The following CA8 variants were observed in gnomAD, a reference collection of about 807,000 sequenced individuals.
The protein encoded by CA8 is carbonic anhydrase-related protein.
In CA8, 22 loss-of-function variants were observed where a neutral mutation model predicts 41.4. The observed-to-expected ratio is 0.53, with a 90% CI of 0.38 to 0.76. CA8 has a LOEUF of 0.76. CA8 is among the 30% of genes least tolerant of loss of function. CA8 has a pLI of 0.00. For synonymous variants in CA8, 121 were observed against 130.6 expected (o/e 0.93, Z 0.50); for missense variants, 270 against 352.8 (o/e 0.77, Z 1.88).
intron 3 of CA8, among the ~76,000 whole-genome samples, chr8:60,241,748 TA>T (rs551527814): frequency 0.025 from 3,648 of 144,818 alleles, 60 homozygotes; most frequent in Non-Finnish European, 0.037. Flanking sequence ...TTTTATTTTC[TA>T]AAAAAAAAAA....
At chr8:60,252,605 C>A (rs1267864782) in intron 3 of CA8, among the ~76,000 whole-genome samples, 2 of 152,116 alleles carry the variant, frequency 1.3e-5, no homozygotes, top group African/African-American at 2.4e-5. Flanking sequence ...CTCACCCTAC[C>A]TAGAGCTAAG....
intron 3 of CA8, among the ~76,000 whole-genome samples, chr8:60,236,170 G>A (rs1489266190): frequency 6.6e-6 from 1 of 152,182 alleles, no homozygotes; most frequent in Non-Finnish European, 1.5e-5. Context: ...CACTACATGA[G>A]TAGGCCTCAT....
chr8:60,236,564 A>C (rs7465573), intron 3 of CA8, among the ~76,000 whole-genome samples: 125,357 of 152,136 alleles, frequency 0.82, 52,050 homozygotes, highest in Middle Eastern at 0.87. Flanking sequence ...AGAAAAATGA[A>C]CCTAACAATT....
chr8:60,217,028 C>T (rs555952243), intron 7 of CA8, among the ~76,000 whole-genome samples: 9 of 152,128 alleles, frequency 5.9e-5, no homozygotes, highest in Non-Finnish European at 8.8e-5. Context: ...GGATTACAGG[C>T]GCCTGCCACC....
intron 3 of CA8, among the ~76,000 whole-genome samples, chr8:60,263,535 A>C (rs1481566671): frequency 6.6e-6 from 1 of 152,078 alleles, no homozygotes; most frequent in African/African-American, 2.4e-5. Flanking sequence ...CAAAAAAAAC[A>C]AAAAACAAAA....
At chr8:60,275,860 T>G (rs74970229) in intron 2 of CA8, among the ~76,000 whole-genome samples, 4,366 of 151,890 alleles carry the variant, frequency 0.029, 226 homozygotes, top group African/African-American at 0.095. Flanking sequence ...AAGAGACACA[T>G]AGAGGGGGTT....
At chr8:60,190,128 G>A (rs1354079730) in intron 8 of CA8, 143 bp from the exon 9 acceptor site, 1 of 151,556 alleles carries the variant, frequency 6.6e-6, no homozygotes, top group Admixed American at 6.6e-5. Context: ...AAATATCTTT[G>A]TGCTCAAGTT....
rs977063700 is a variant in CA8, at chr8:60,281,251, C to T, written c.-104G>A. 5 of 755,050 alleles carry T rather than the reference C, an allele frequency of 6.6e-6. No homozygotes were observed. Among genetic ancestry groups the T allele is most frequent in the South Asian group, 4.6e-5 (3 of 65,564 alleles). 46.8% of individuals were successfully genotyped at this position (755,050 alleles called of 1,614,324 possible). ...GAGCGCGCGTGGGGGAGTGTGAGCA[C>T]GCGTGAGCGGCAGTGTGAGTGCGAG... is the stretch of plus-strand genomic sequence containing the variant. On this transcript the variant is annotated 5_prime_UTR_variant, in exon 1 of 9. It adds an upstream start codon to the 5' untranslated region. Transcript: ENST00000317995.
chr8:60,219,946 A>AAAAAAAAAAC (rs1807186069), intron 7 of CA8, among the ~76,000 whole-genome samples: 1 of 143,790 alleles, frequency 7.0e-6, no homozygotes, highest in South Asian at 2.2e-4. Flanking sequence ...AAAAAAAAAA[A>AAAAAAAAAAC]AAAAAAACAC....
chr8:60,231,878 G>A (rs1213356722), intron 4 of CA8, among the ~76,000 whole-genome samples: 2 of 152,140 alleles, frequency 1.3e-5, no homozygotes, highest in African/African-American at 4.8e-5. Context: ...ATCTCAGAGT[G>A]AAAATTGTTA....
intron 2 of CA8, among the ~76,000 whole-genome samples, chr8:60,271,629 A>T (rs886467881): frequency 6.6e-6 from 1 of 152,200 alleles, no homozygotes; most frequent in Non-Finnish European, 1.5e-5. Flanking sequence ...TTCTATAATA[A>T]GAAACAGTGA....
chr8:60,191,351 C>T (rs1388373292), intron 8 of CA8, among the ~76,000 whole-genome samples: 1 of 151,926 alleles, frequency 6.6e-6, no homozygotes. Flanking sequence ...TAAAATCACA[C>T]CAATTCAGAG....
intron 8 of CA8, among the ~76,000 whole-genome samples, chr8:60,193,290 C>T (rs1180940363): frequency 2.0e-5 from 3 of 152,134 alleles, no homozygotes; most frequent in African/African-American, 7.2e-5. Flanking sequence ...CTTCACCATT[C>T]CTGAAGAAAG....
rs1056528517 is a variant in CA8 at position 60,243,571 on chromosome 8, CTT to C, written c.418-11194_418-11193del. Among the ~76,000 whole-genome samples the C allele has an allele frequency of 5.9e-5, 9 of 152,286 alleles. 1 individual carries two copies. The highest frequency in any genetic ancestry group is 5.2e-4 in the Admixed American group (8 of 15,298). On this transcript the variant is annotated intron_variant, in intron 3 of 8. Coordinates refer to ENST00000317995, the MANE Select transcript of CA8 (RefSeq NM_004056.6). Reference sequence around the variant, plus strand: ...CTCTGCTATCTACTGAAATCTGTCTCTTGTCCCATCAGTTTAGTGAAACTGCT... The same window carrying C: ...CTCTGCTATCTACTGAAATCTGTCTCGTCCCATCAGTTTAGTGAAACTGCT...
At chr8:60,238,633 C>T (rs1452347762) in intron 3 of CA8, among the ~76,000 whole-genome samples, 1 of 152,158 alleles carries the variant, frequency 6.6e-6, no homozygotes, top group Non-Finnish European at 1.5e-5. Context: ...CTGGCATTTA[C>T]ATTATGAAGC....
chr8:60,265,911 T>C lies in CA8; in HGVS notation c.417+14A>G. ...AGAAAACAAGATTTTTACAAGATGA[T>C]TTGTTATTCTTACCTCCATGGGAAA... On this transcript the variant is annotated intron_variant, in intron 3 of 8. Transcript: ENST00000317995. 1.2e-6 allele frequency: 2 copies of C among 1,613,700 alleles called. No homozygotes were observed. The highest frequency in any genetic ancestry group is 1.1e-5 in the South Asian group (1 of 91,076).
At chr8:60,227,524 C>T (rs7462315) in intron 4 of CA8, among the ~76,000 whole-genome samples, 141,446 of 152,226 alleles carry the variant, frequency 0.93, 65,897 homozygotes, top group African/African-American at 0.96. Flanking sequence ...TATCAAATTA[C>T]AAAATACTGT....
chr8:60,242,708 C>T (rs113807502), intron 3 of CA8, among the ~76,000 whole-genome samples: 5 of 152,316 alleles, frequency 3.3e-5, no homozygotes, highest in African/African-American at 1.2e-4. Context: ...ACCAGACTGT[C>T]TATCGTGTGA....
intron 8 of CA8, among the ~76,000 whole-genome samples, chr8:60,193,682 T>C (rs1806199679): frequency 6.6e-6 from 1 of 152,196 alleles, no homozygotes; most frequent in South Asian, 2.1e-4. Flanking sequence ...GATTCCTTGA[T>C]TTTGACATGT....
Sources: gnomAD v4.1 joint callset for allele counts (sites outside exome capture counted in the v4.1 genomes callset) on GRCh38, gnomAD v4.1.1 for gene constraint, MANE v1.5 for transcripts, NCBI Gene and HGNC (gene_info 2026-07-23, HGNC 2026-07-21) for gene names.